Variants in SELENOO observed in about 807,000 individuals in gnomAD.
The protein encoded by SELENOO is protein adenylyltransferase SelO, mitochondrial.
In SELENOO, 74 loss-of-function variants were observed where a neutral mutation model predicts 58.7. The observed-to-expected ratio is 1.26, with a 90% CI of 1.04 to 1.53. The LOEUF (loss-of-function observed/expected upper bound fraction) is 1.53, where lower values mean the gene tolerates loss of function less well. Among genes scored for constraint, SELENOO ranks in the 40% most tolerant of loss-of-function variants. SELENOO has a pLI of 0.00. For synonymous variants in SELENOO, 543 were observed against 453.2 expected (o/e 1.20, Z -2.52); for missense variants, 1,149 against 970.0 (o/e 1.18, Z -2.45).
At chr22:50,210,160 A>C (rs746353289) in intron 3 of SELENOO, 21 bp from the exon 4 acceptor site, 1 of 1,609,832 alleles carries the variant, frequency 6.2e-7, no homozygotes, top group Non-Finnish European at 8.5e-7. Flanking sequence ...AGGAGGGAGC[A>C]AGCACACTGT....
intron 1 of SELENOO, among the ~76,000 whole-genome samples, chr22:50,204,207 G>C (rs1357498210): frequency 3.3e-5 from 5 of 152,222 alleles, no homozygotes; most frequent in Non-Finnish European, 5.9e-5. Context: ...GGTGGTGGGT[G>C]CCTGTAATCC....
intron 2 of SELENOO, 22 bp from the exon 3 acceptor site, chr22:50,208,514 A>T: frequency 6.2e-7 from 1 of 1,606,172 alleles, no homozygotes; most frequent in Non-Finnish European, 8.5e-7. Context: ...TGGGCTGTTG[A>T]CGCCTCGGGT....
intron 5 of SELENOO, among the ~76,000 whole-genome samples, chr22:50,213,694 C>T (rs898429426): frequency 2.6e-5 from 4 of 152,170 alleles, no homozygotes; most frequent in Admixed American, 1.3e-4. Context: ...GTCACCCAGG[C>T]TGGAGTGCAG....
At chr22:50,211,140 T>C (rs562153213) in intron 5 of SELENOO, among the ~76,000 whole-genome samples, 17 of 152,304 alleles carry the variant, frequency 1.1e-4, no homozygotes, top group African/African-American at 3.6e-4. Flanking sequence ...TCACTTAGCA[T>C]AAGGTCCTCA....
chr22:50,217,336 G>A lies in SELENOO; in HGVS notation c.1977G>A (p.Trp659Ter), dbSNP rs866934760. Reference sequence around the variant, plus strand: ...CCTACAGCAGTAAGCCCCCGCTCTGGGCAGCAGAACTGTGCGTGACATGAT... The same window carrying A: ...CCTACAGCAGTAAGCCCCCGCTCTGAGCAGCAGAACTGTGCGTGACATGAT... ...QRSYSSKPPL[W>*]AAELCVTUSS Residue 659 changes from tryptophan (W) to a stop codon, truncating the protein, a stop_gained, in exon 9 of 9, where the codon TGG becomes TGA. Coordinates refer to ENST00000380903, the MANE Select transcript of SELENOO (RefSeq NM_031454.2). LOFTEE classifies it high-confidence loss of function. 2.5e-6 allele frequency: 4 copies of A among 1,612,854 alleles called. No individual in the cohort carries two copies. Among genetic ancestry groups the A allele is most frequent in the Middle Eastern group, 1.6e-4 (1 of 6,084 alleles).
At chr22:50,208,155 G>T (rs1014676237) in intron 2 of SELENOO, among the ~76,000 whole-genome samples, 1 of 152,156 alleles carries the variant, frequency 6.6e-6, no homozygotes, top group African/African-American at 2.4e-5. Context: ...CAACAGGCCA[G>T]GCGCGGTGGC....
chr22:50,210,339 G>T (rs964335981), intron 4 of SELENOO, 28 bp downstream of exon 4: 1 of 1,606,840 alleles, frequency 6.2e-7, no homozygotes, highest in Admixed American at 1.7e-5. Flanking sequence ...CCAGCAAAGT[G>T]CAGGCCCCAG....
At chr22:50,202,902 C>T (rs770651882) in intron 1 of SELENOO, among the ~76,000 whole-genome samples, 6 of 152,120 alleles carry the variant, frequency 3.9e-5, no homozygotes, top group Non-Finnish European at 8.8e-5. Flanking sequence ...GAGACTTGAA[C>T]AGTGAAAACT....
At chr22:50,211,024 C>A in intron 5 of SELENOO, 113 bp downstream of exon 5, 1 of 1,095,922 alleles carries the variant, frequency 9.1e-7, no homozygotes, top group Non-Finnish European at 1.3e-6. Flanking sequence ...TGGGCCCACC[C>A]CAGCCCTGGC....
In SELENOO at chr22:50,201,033, G is replaced by A. The variant is rs1012820752; in HGVS notation, c.-4G>A. The A allele has an allele frequency of 1.6e-6, 2 of 1,260,396 alleles. No individual in the cohort carries two copies. The highest frequency in any genetic ancestry group is 2.7e-5 in the South Asian group (1 of 37,332). 78.1% of individuals were successfully genotyped at this position (1,260,396 alleles called of 1,614,324 possible). ...GCTGGCTTCCGGCGGGAGCGGGGCC[G>A]CGGATGGCCGTATACAGGGCAGCGC... On this transcript the variant is annotated 5_prime_UTR_variant, in exon 1 of 9. Coordinates refer to ENST00000380903, the MANE Select transcript of SELENOO (RefSeq NM_031454.2).
At position 50,217,002 on chromosome 22, in the gene SELENOO, T is replaced by C. The variant is rs752402604; in HGVS notation, c.1719T>C (p.Ala573=). 2 of 1,611,352 alleles carry C rather than the reference T, an allele frequency of 1.2e-6. No homozygotes were observed. The highest frequency in any genetic ancestry group is 3.3e-5 in the Admixed American group (2 of 59,990). The change falls in exon 8 of 9, where the codon GCT becomes GCC. Residue 573 remains alanine, a synonymous_variant. Coordinates refer to ENST00000380903, the MANE Select transcript of SELENOO (RefSeq NM_031454.2). The part of the protein sequence containing the change: ...RARLDKDLEG[A]GDAAAWQAEH... ...GGCTGGACAAGGACCTGGAAGGCGCTGGGGACGCTGCCGCCTGGCAGGCTG... is the reference window on the plus strand; with the variant it reads ...GGCTGGACAAGGACCTGGAAGGCGCCGGGGACGCTGCCGCCTGGCAGGCTG...
chr22:50,211,152 T>C (rs1044635372), intron 5 of SELENOO, among the ~76,000 whole-genome samples: 1 of 152,204 alleles, frequency 6.6e-6, no homozygotes, highest in African/African-American at 2.4e-5. Flanking sequence ...AGGTCCTCAA[T>C]GTTCACCCAG....
chr22:50,204,603 A>G (rs2064320803), intron 1 of SELENOO, among the ~76,000 whole-genome samples: 1 of 146,722 alleles, frequency 6.8e-6, no homozygotes, highest in Non-Finnish European at 1.5e-5. Flanking sequence ...CCTGGGTGAC[A>G]GAGTGAGACC....
intron 5 of SELENOO, among the ~76,000 whole-genome samples, chr22:50,214,898 G>A (rs1194891828): frequency 6.6e-6 from 1 of 152,234 alleles, no homozygotes; most frequent in Admixed American, 6.5e-5. Context: ...ATCGTGTGGT[G>A]ACAACATGGA....
At position 50,210,329 on chromosome 22, in the gene SELENOO, C is replaced by T. The variant is rs986781490; in HGVS notation, c.1070+18C>T. ...CTGGACAGGTAAGTGGCCCTGGGGCCCAGCAAAGTGCAGGCCCCAGGGCTG... is the reference window on the plus strand; with the variant it reads ...CTGGACAGGTAAGTGGCCCTGGGGCTCAGCAAAGTGCAGGCCCCAGGGCTG... On this transcript the variant is annotated intron_variant, in intron 4 of 8. Transcript: ENST00000380903. 2 of 1,611,772 alleles carry T rather than the reference C, an allele frequency of 1.2e-6. No individual in the cohort carries two copies. The highest frequency in any genetic ancestry group is 2.7e-5 in the African/African-American group (2 of 74,814).
At chr22:50,207,924 T>C (rs1455738296) in intron 2 of SELENOO, among the ~76,000 whole-genome samples, 4 of 147,850 alleles carry the variant, frequency 2.7e-5, no homozygotes, top group Non-Finnish European at 5.9e-5. Flanking sequence ...CCTCGTGGGG[T>C]TGGGGTGGGA....
chr22:50,201,819 G>A (rs1051549195), intron 1 of SELENOO, among the ~76,000 whole-genome samples: 25 of 152,236 alleles, frequency 1.6e-4, no homozygotes, highest in African/African-American at 5.8e-4. Flanking sequence ...GACGTTCGCT[G>A]GGGCTCCAAA....
chr22:50,216,621 G>C, intron 6 of SELENOO, 70 bp from the exon 7 acceptor site: 1 of 1,418,410 alleles, frequency 7.1e-7, no homozygotes, highest in South Asian at 1.3e-5. Flanking sequence ...GCTGGGGCAG[G>C]CGGAGCAGCT....
chr22:50,201,747 T>A (rs938708957), intron 1 of SELENOO, among the ~76,000 whole-genome samples, 157 bp downstream of exon 1: 3 of 152,226 alleles, frequency 2.0e-5, no homozygotes, highest in Admixed American at 6.5e-5. Context: ...CCGCGCCCTG[T>A]GCTTATCAAC....
Sources: gnomAD v4.1 joint callset for allele counts (sites outside exome capture counted in the v4.1 genomes callset) on GRCh38, gnomAD v4.1.1 for gene constraint, MANE v1.5 for transcripts, NCBI Gene and HGNC (gene_info 2026-07-23, HGNC 2026-07-21) for gene names.